The following GBE1 variants were observed in gnomAD, a reference collection of about 807,000 sequenced individuals.
GBE1 encodes the protein 1,4-alpha-glucan-branching enzyme.
Under a neutral mutation model 88.8 loss-of-function variants are expected in GBE1, and 70 were observed. That is an observed-to-expected ratio of 0.79 (90% confidence interval 0.65 to 0.96). The LOEUF (loss-of-function observed/expected upper bound fraction) is 0.96. Ranked by LOEUF, GBE1 falls within the 40% of genes least tolerant of loss-of-function variation. The pLI, the probability that GBE1 is intolerant of heterozygous loss-of-function variation, is 0.00. For missense variants in GBE1, 872 were observed against 871.0 expected (o/e 1.00, Z -0.01); for synonymous variants, 284 against 300.1 (o/e 0.95, Z 0.56).
At chr3:81,609,432 AG>A (rs1239963507) in intron 7 of GBE1, among the ~76,000 whole-genome samples, 4 of 152,264 alleles carry the variant, frequency 2.6e-5, no homozygotes, top group African/African-American at 9.6e-5. Context: ...CACAGCTCAA[AG>A]CCAAAAAAAA....
chr3:81,547,867 T>C (rs373257637), intron 12 of GBE1, among the ~76,000 whole-genome samples: 1 of 151,394 alleles, frequency 6.6e-6, no homozygotes, highest in Admixed American at 6.6e-5. Flanking sequence ...TAGGACACCA[T>C]AAGCTTGCTG....
At chr3:81,514,865 T>C (rs1319818681) in intron 14 of GBE1, among the ~76,000 whole-genome samples, 1 of 151,568 alleles carries the variant, frequency 6.6e-6, no homozygotes, top group Non-Finnish European at 1.5e-5. Flanking sequence ...AGATACTCAT[T>C]GAAAAAGGTA....
At chr3:81,546,229 C>T (rs555773797) in intron 12 of GBE1, among the ~76,000 whole-genome samples, 1 of 152,166 alleles carries the variant, frequency 6.6e-6, no homozygotes, top group African/African-American at 2.4e-5. Context: ...CACACACACA[C>T]ACACAAACTC....
At position 81,594,612 on chromosome 3, in the gene GBE1, T is replaced by G. The variant is rs200889376; in HGVS notation, c.993-589A>C. ...AAAATCAACCACATGGTAAGCAATATTACATTGACTAGACTGTTGTTTCGT... is the reference window on the plus strand; with the variant it reads ...AAAATCAACCACATGGTAAGCAATAGTACATTGACTAGACTGTTGTTTCGT... On this transcript the variant is annotated intron_variant, in intron 7 of 15. Coordinates refer to ENST00000429644, the MANE Select transcript of GBE1 (RefSeq NM_000158.4). Among the ~76,000 whole-genome samples the G allele has an allele frequency of 1.7e-4, 26 of 152,090 alleles. No individual in the cohort carries two copies. In the East Asian group the frequency reaches 5.0e-3, roughly 29 times the overall value.
At chr3:81,672,103 A>T (rs145858559) in intron 2 of GBE1, among the ~76,000 whole-genome samples, 1 of 152,126 alleles carries the variant, frequency 6.6e-6, no homozygotes, top group East Asian at 1.9e-4. Context: ...ATCATTTCGC[A>T]CTCAGGACAT....
intron 7 of GBE1, among the ~76,000 whole-genome samples, chr3:81,599,766 C>A (rs1704008064): frequency 6.6e-6 from 1 of 152,060 alleles, no homozygotes; most frequent in Non-Finnish European, 1.5e-5. Flanking sequence ...TCTACCTTAT[C>A]TATAAAATAA....
intron 14 of GBE1, among the ~76,000 whole-genome samples, chr3:81,523,964 C>T (rs182806990): frequency 1.3e-5 from 2 of 151,614 alleles, no homozygotes; most frequent in East Asian, 1.9e-4. Context: ...AAAAGAGGAG[C>T]GCAAATATCT....
chr3:81,756,531 G>A (rs1575780259), intron 1 of GBE1, among the ~76,000 whole-genome samples: 1 of 152,170 alleles, frequency 6.6e-6, no homozygotes, highest in African/African-American at 2.4e-5. Context: ...ACCCACTTAT[G>A]AGAGCAAACA....
intron 7 of GBE1, among the ~76,000 whole-genome samples, chr3:81,627,293 T>C (rs1248331699): frequency 3.3e-5 from 5 of 152,172 alleles, no homozygotes; most frequent in South Asian, 2.1e-4. Flanking sequence ...TATTTATTCA[T>C]TCAACAAATC....
intron 12 of GBE1, among the ~76,000 whole-genome samples, chr3:81,549,334 T>C (rs1488666433): frequency 6.6e-6 from 1 of 151,522 alleles, no homozygotes; most frequent in Non-Finnish European, 1.5e-5. Flanking sequence ...GGCTGGGTAT[T>C]CTTAATTTAT....
chr3:81,612,246 TAAA>T (rs1295013981), intron 7 of GBE1: 5 of 309,410 alleles, frequency 1.6e-5, no homozygotes, highest in Non-Finnish European at 2.6e-5. Flanking sequence ...AAAAAAAACT[TAAA>T]GAAGCTCTCT....
At chr3:81,736,983 C>T (rs780166933) in intron 1 of GBE1, among the ~76,000 whole-genome samples, 1 of 151,872 alleles carries the variant, frequency 6.6e-6, no homozygotes, top group African/African-American at 2.4e-5. Flanking sequence ...AGCAGGAAGG[C>T]TGGTATTAAG....
intron 11 of GBE1, among the ~76,000 whole-genome samples, chr3:81,578,731 G>A (rs1302969959): frequency 6.6e-6 from 1 of 151,886 alleles, no homozygotes; most frequent in Non-Finnish European, 1.5e-5. Flanking sequence ...GAAATGCCCT[G>A]AGTAACAGCA....
intron 14 of GBE1, among the ~76,000 whole-genome samples, chr3:81,521,626 A>G (rs1002622035): frequency 6.6e-6 from 1 of 151,584 alleles, no homozygotes; most frequent in Non-Finnish European, 1.5e-5. Flanking sequence ...TGGAACAACA[A>G]AAAGTTAAAA....
intron 7 of GBE1, among the ~76,000 whole-genome samples, chr3:81,603,646 C>A (rs2106973732): frequency 6.6e-6 from 1 of 152,222 alleles, no homozygotes; most frequent in Admixed American, 6.5e-5. Context: ...AGGCACCCAC[C>A]ACCACGCCCA....
intron 1 of GBE1, among the ~76,000 whole-genome samples, chr3:81,723,561 C>A (rs993129623): frequency 1.3e-5 from 2 of 152,100 alleles, no homozygotes; most frequent in South Asian, 4.1e-4. Context: ...TACTTCACTG[C>A]CTGTTGCACA....
At chr3:81,744,973 C>T (rs1706401105) in intron 1 of GBE1, among the ~76,000 whole-genome samples, 1 of 152,082 alleles carries the variant, frequency 6.6e-6, no homozygotes, top group Admixed American at 6.5e-5. Flanking sequence ...TATCCCCTTC[C>T]TTAATAGAAG....
intron 7 of GBE1, among the ~76,000 whole-genome samples, chr3:81,606,597 T>C (rs912339764): frequency 9.9e-5 from 15 of 152,250 alleles, no homozygotes; most frequent in African/African-American, 3.6e-4. Context: ...CCCTTTTTTC[T>C]GTTCTTGAAG....
intron 14 of GBE1, among the ~76,000 whole-genome samples, chr3:81,525,247 T>G (rs890024340): frequency 4.6e-5 from 7 of 152,042 alleles, no homozygotes; most frequent in African/African-American, 1.7e-4. Context: ...TGAAGGGCTG[T>G]TGAATTTTGT....
Sources: allele counts gnomAD v4.1 joint callset (sites outside exome capture counted in the v4.1 genomes callset), GRCh38; gene constraint gnomAD v4.1.1; transcripts MANE v1.5; gene names NCBI Gene and HGNC (gene_info 2026-07-23, HGNC 2026-07-21).